The following KCNB2 variants were observed in gnomAD, a reference collection of about 807,000 sequenced individuals.
The protein encoded by KCNB2 is potassium voltage-gated channel subfamily B member 2.
Under a neutral mutation model 61.5 loss-of-function variants are expected in KCNB2, and 15 were observed. The ratio of observed to expected loss-of-function variants is 0.24; its 90% CI spans 0.16 to 0.38. KCNB2 has a LOEUF of 0.38. Among genes scored for constraint, KCNB2 ranks in the 10% least tolerant of loss-of-function variants. The pLI, the probability that KCNB2 is intolerant of heterozygous loss-of-function variation, is 1.00. For missense variants in KCNB2, 828 were observed against 1,125.2 expected (o/e 0.74, Z 3.78); for synonymous variants, 457 against 446.0 (o/e 1.02, Z -0.31).
At chr8:72,901,602 G>A (rs1585963810) in intron 2 of KCNB2, among the ~76,000 whole-genome samples, 2 of 152,162 alleles carry the variant, frequency 1.3e-5, no homozygotes, top group South Asian at 4.2e-4. Flanking sequence ...TTTTGGATGA[G>A]CCATAGTTTA....
In KCNB2 at chr8:72,598,449, C is replaced by G. The variant is rs1807235619; in HGVS notation, c.579+30136C>G. 1.3e-5 allele frequency among the ~76,000 whole-genome samples: 2 copies of G among 152,156 alleles called. 1 individual carries two copies. The highest frequency in any genetic ancestry group is 4.1e-4 in the South Asian group (2 of 4,822). On this transcript the variant is annotated intron_variant, in intron 2 of 2. Transcript: ENST00000523207. ...TAAATTAGGTATTGATGGGACATAT[C>G]TCAAAATAATAAGAGCTATCTATGA...
At position 72,936,498 on chromosome 8, in the gene KCNB2, T is replaced by C; in HGVS notation, c.1143T>C (p.Thr381=). The C allele has an allele frequency of 1.2e-6, 2 of 1,614,238 alleles. No individual in the cohort carries two copies. The highest frequency in any genetic ancestry group is 1.7e-6 in the Non-Finnish European group (2 of 1,180,038). The change falls in exon 3 of 3, where the codon ACT becomes ACC. Residue 381 remains threonine, a synonymous_variant. Transcript: ENST00000523207. This position sits in a 1 kb window ranked among gnomAD's most constrained non-coding sequence, Gnocchi z 5.6. ...GGTGGGCCACCATCACCATGACCACTGTTGGCTATGGTGACATTTACCCTA... is the reference window on the plus strand; with the variant it reads ...GGTGGGCCACCATCACCATGACCACCGTTGGCTATGGTGACATTTACCCTA... The part of the protein sequence containing the change: ...SFWWATITMT[T]VGYGDIYPKT...
intron 2 of KCNB2, among the ~76,000 whole-genome samples, chr8:72,902,469 T>C (rs1806106992): frequency 6.6e-6 from 1 of 151,942 alleles, no homozygotes; most frequent in South Asian, 2.1e-4. Context: ...AATTGGGAGG[T>C]AATTCAAGTT....
At chr8:72,922,148 C>A (rs1806535177) in intron 2 of KCNB2, among the ~76,000 whole-genome samples, 1 of 152,134 alleles carries the variant, frequency 6.6e-6, no homozygotes, top group African/African-American at 2.4e-5. Context: ...TGGTTGCTGA[C>A]AATCCTGGCT....
At chr8:72,744,080 C>A (rs1808015291) in intron 2 of KCNB2, among the ~76,000 whole-genome samples, 1 of 152,008 alleles carries the variant, frequency 6.6e-6, no homozygotes, top group Non-Finnish European at 1.5e-5. Flanking sequence ...AAGAAACCAG[C>A]CTTTTATCTA....
intron 2 of KCNB2, among the ~76,000 whole-genome samples, chr8:72,621,886 A>G (rs182024574): frequency 5.3e-5 from 8 of 152,336 alleles, no homozygotes; most frequent in East Asian, 1.9e-4. Flanking sequence ...CATACATCTC[A>G]TAAGTGTTTG....
chr8:72,781,845 G>A (rs1347109927), intron 2 of KCNB2, among the ~76,000 whole-genome samples: 1 of 152,162 alleles, frequency 6.6e-6, no homozygotes, highest in Non-Finnish European at 1.5e-5. Flanking sequence ...ATTATCCACA[G>A]CAAACTAACA....
chr8:72,670,443 A>G lies in KCNB2; in HGVS notation c.579+102130A>G, dbSNP rs113966603. Among the ~76,000 whole-genome samples, 226 of 152,278 alleles carry G rather than the reference A, an allele frequency of 1.5e-3. 2 individuals carry two copies. Among genetic ancestry groups the G allele is most frequent in the African/African-American group, 5.2e-3 (217 of 41,570 alleles). ...ATGCACTTTGTCTGGCTTCCTATCA[A>G]CAAGATTTCATGGGAACAGTCTGGG... On this transcript the variant is annotated intron_variant, in intron 2 of 2. Coordinates refer to ENST00000523207, the MANE Select transcript of KCNB2 (RefSeq NM_004770.3).
At chr8:72,762,627 G>A (rs1808399295) in intron 2 of KCNB2, among the ~76,000 whole-genome samples, 1 of 151,948 alleles carries the variant, frequency 6.6e-6, no homozygotes, top group South Asian at 2.1e-4. Context: ...GTAAAGTGAG[G>A]ATATACATTA....
intron 2 of KCNB2, among the ~76,000 whole-genome samples, chr8:72,727,175 G>A (rs908314887): frequency 6.6e-6 from 1 of 152,058 alleles, no homozygotes; most frequent in Non-Finnish European, 1.5e-5. Flanking sequence ...GAAATGAAGA[G>A]AAATGTTTCA....
At chr8:72,627,888 A>C (rs1585793773) in intron 2 of KCNB2, among the ~76,000 whole-genome samples, 1 of 152,268 alleles carries the variant, frequency 6.6e-6, no homozygotes, top group African/African-American at 2.4e-5. Flanking sequence ...ACAATTTAGC[A>C]TGTGTAAAAC....
intron 1 of KCNB2, among the ~76,000 whole-genome samples, chr8:72,538,212 G>C (rs1368107025): frequency 6.6e-6 from 1 of 152,120 alleles, no homozygotes; most frequent in Non-Finnish European, 1.5e-5. Context: ...ACACACTTGT[G>C]GGACTGGATT....
chr8:72,763,044 TAAA>T (rs36134958), intron 2 of KCNB2, among the ~76,000 whole-genome samples: 81 of 137,532 alleles, frequency 5.9e-4, no homozygotes, highest in African/African-American at 1.1e-3. Flanking sequence ...CTTTGCAAAG[TAAA>T]AAAAAAAAAA....
Position 72,817,749 on chromosome 8 carries a change from G to A in KCNB2, c.580-118186G>A, listed in dbSNP as rs145147018. 9.3e-4 allele frequency among the ~76,000 whole-genome samples: 142 copies of A among 152,196 alleles called. 1 individual carries two copies. Among genetic ancestry groups the A allele is most frequent in the Admixed American group, 7.5e-3 (115 of 15,272 alleles). The stretch of plus-strand genomic sequence containing the variant: ...CTGGATTTATTGTTAGCAATTTTTA[G>A]GGGATTCCTTAGTGACTGAAACAAG... On this transcript the variant is annotated intron_variant, in intron 2 of 2. Transcript: ENST00000523207.
intron 2 of KCNB2, among the ~76,000 whole-genome samples, chr8:72,842,120 AGAG>A (rs1563401342): frequency 1.8e-4 from 1 of 5,468 alleles, no homozygotes; most frequent in East Asian, 7.0e-4. Flanking sequence ...TAGTTTATTG[AGAG>A]TTGAGAGTTT....
At chr8:72,902,873 A>G (rs1806112311) in intron 2 of KCNB2, among the ~76,000 whole-genome samples, 1 of 152,180 alleles carries the variant, frequency 6.6e-6, no homozygotes, top group African/African-American at 2.4e-5. Context: ...GTGAAGAAAT[A>G]TATAGTGGAA....
At chr8:72,661,340 A>G (rs1806377622) in intron 2 of KCNB2, 1 of 152,152 alleles carries the variant, frequency 6.6e-6, no homozygotes, top group Non-Finnish European at 1.5e-5. Context: ...ACTCAGCCAT[A>G]TCAATTGTTT....
chr8:72,595,766 G>A (rs1345364513), intron 2 of KCNB2, among the ~76,000 whole-genome samples: 1 of 152,126 alleles, frequency 6.6e-6, no homozygotes, highest in African/African-American at 2.4e-5. Context: ...ACATTATATT[G>A]CAATTGCTTA....
intron 2 of KCNB2, among the ~76,000 whole-genome samples, chr8:72,614,083 A>G (rs1805580397): frequency 6.6e-6 from 1 of 152,166 alleles, no homozygotes; most frequent in Non-Finnish European, 1.5e-5. Flanking sequence ...CTAGTCACAC[A>G]TTGATGTAAA....
Sources: gnomAD v4.1 joint callset for allele counts (sites outside exome capture counted in the v4.1 genomes callset) on GRCh38, gnomAD v4.1.1 for gene constraint, Gnocchi (gnomAD v3.1) non-coding constraint, MANE v1.5 for transcripts, NCBI Gene and HGNC (gene_info 2026-07-23, HGNC 2026-07-21) for gene names.